Variants in PRKCB observed in about 807,000 individuals in gnomAD.
PRKCB encodes the protein protein kinase C beta type.
PRKCB carries 13 observed loss-of-function variants against 81.5 expected under a neutral mutation model. The ratio of observed to expected loss-of-function variants is 0.16; its 90% CI spans 0.10 to 0.25. The LOEUF is 0.25. PRKCB is among the 10% of genes least tolerant of loss of function. The pLI is 1.00. For missense variants in PRKCB, 509 were observed against 875.7 expected (o/e 0.58, Z 5.29); for synonymous variants, 335 against 321.4 (o/e 1.04, Z -0.45).
chr16:23,878,644 C>T (rs555192763), intron 2 of PRKCB, among the ~76,000 whole-genome samples: 1 of 152,310 alleles, frequency 6.6e-6, no homozygotes, highest in Non-Finnish European at 1.5e-5. Flanking sequence ...AATATTTTGC[C>T]ACTCCGTACA....
At chr16:24,030,628 C>A (rs759923641) in intron 3 of PRKCB, among the ~76,000 whole-genome samples, 5 of 150,408 alleles carry the variant, frequency 3.3e-5, no homozygotes, top group Non-Finnish European at 7.4e-5. Context: ...CCTGGCATTC[C>A]AGCAATTTTG....
intron 16 of PRKCB, 118 bp downstream of exon 16, chr16:24,191,348 G>A (rs780547013): frequency 1.7e-6 from 2 of 1,174,710 alleles, no homozygotes; most frequent in African/African-American, 1.5e-5. Context: ...CTGGAACATG[G>A]GTGTATGTAT....
chr16:23,911,159 A>G (rs774374306), intron 2 of PRKCB, among the ~76,000 whole-genome samples: 12 of 11,150 alleles, frequency 1.1e-3, no homozygotes, highest in Non-Finnish European at 1.8e-3. Context: ...TTTTTGAGAC[A>G]AGGTCACCCA....
At chr16:24,045,311 A>T (rs1235433108) in intron 5 of PRKCB, among the ~76,000 whole-genome samples, 2 of 151,994 alleles carry the variant, frequency 1.3e-5, no homozygotes, top group Non-Finnish European at 2.9e-5. Context: ...TTGAGTTTTT[A>T]TTGTCACTAG....
At position 24,212,461 on chromosome 16, in the gene PRKCB, CTTTTTTTTTT is replaced by C. The variant is rs975667798; in HGVS notation, c.1864-2180_1864-2171del. Among the ~76,000 whole-genome samples, 244 of 78,042 alleles carry C rather than the reference CTTTTTTTTTT, an allele frequency of 3.1e-3. 1 individual carries two copies. The highest frequency in any genetic ancestry group is 0.011 in the African/African-American group (229 of 20,210). 51.2% of individuals were successfully genotyped at this position (78,042 alleles called of 152,430 possible). A position where few individuals can be genotyped will look rare whatever the true frequency, so the allele number is the denominator to read the frequency against. ...CTCTCTCCTCCTGTGCTTTTTTTTC[CTTTTTTTTTT>C]TTTTTTTTTTTTTTTTCCTTTTTGG... On this transcript the variant is annotated intron_variant, in intron 16 of 16. Coordinates refer to ENST00000643927, the MANE Select transcript of PRKCB (RefSeq NM_002738.7).
At chr16:24,048,529 C>G (rs905875189) in intron 5 of PRKCB, among the ~76,000 whole-genome samples, 1 of 150,538 alleles carries the variant, frequency 6.6e-6, no homozygotes, top group Non-Finnish European at 1.5e-5. Flanking sequence ...CTCACTCTGT[C>G]GCCAGGCTGG....
At chr16:24,127,082 C>A (rs886832665) in intron 9 of PRKCB, among the ~76,000 whole-genome samples, 1 of 150,422 alleles carries the variant, frequency 6.6e-6, no homozygotes, top group Non-Finnish European at 1.5e-5. Context: ...CTCAGCTCAC[C>A]GCAACCTCCG....
At chr16:24,159,062 T>C (rs143898421) in intron 10 of PRKCB, among the ~76,000 whole-genome samples, 119 of 152,322 alleles carry the variant, frequency 7.8e-4, no homozygotes, top group Admixed American at 1.9e-3. Context: ...CAGGAGCCTG[T>C]GCTCTAATCT....
In PRKCB at chr16:23,837,504, A is replaced by G; in HGVS notation, c.205+98A>G. 8.9e-6 allele frequency: 13 copies of G among 1,467,668 alleles called. 1 individual carries two copies. In the South Asian group the frequency reaches 1.5e-4, roughly 17 times the overall value. The allele number at this position is 1,467,668 out of a possible 1,614,324, so 90.9% of individuals were successfully genotyped here. A position where few individuals can be genotyped will look rare whatever the true frequency, so the allele number is the denominator to read the frequency against. Reference sequence around the variant, plus strand: ...GAGTTAGGCAGAGAGTGAAAGAATCACGTTGGTCGGAGTGACCTCCCAGGC... The same window carrying G: ...GAGTTAGGCAGAGAGTGAAAGAATCGCGTTGGTCGGAGTGACCTCCCAGGC... On this transcript the variant is annotated intron_variant, in intron 2 of 16. Transcript: ENST00000643927.
intron 5 of PRKCB, among the ~76,000 whole-genome samples, chr16:24,064,062 G>T (rs1966004722): frequency 6.6e-6 from 1 of 151,954 alleles, no homozygotes; most frequent in Non-Finnish European, 1.5e-5. Context: ...CTAGGTGATT[G>T]TCTCAGCCAG....
At chr16:23,926,647 A>C (rs996773641) in intron 2 of PRKCB, among the ~76,000 whole-genome samples, 1 of 150,690 alleles carries the variant, frequency 6.6e-6, no homozygotes, top group Admixed American at 6.6e-5. Flanking sequence ...GTGTCTATAT[A>C]CACACAATGA....
intron 2 of PRKCB, among the ~76,000 whole-genome samples, chr16:23,918,913 A>T (rs946968870): frequency 6.6e-6 from 1 of 152,234 alleles, no homozygotes; most frequent in African/African-American, 2.4e-5. Context: ...TAGCTTTAAT[A>T]CTTTTATGAT....
intron 10 of PRKCB, among the ~76,000 whole-genome samples, chr16:24,165,871 TTTTC>T (rs1367894517): frequency 4.7e-5 from 7 of 149,406 alleles, no homozygotes; most frequent in Admixed American, 2.7e-4. Context: ...GATTTTTTTC[TTTTC>T]TTTCTTTCTT....
chr16:24,148,631 G>T (rs1366754352), intron 9 of PRKCB, among the ~76,000 whole-genome samples: 1 of 152,156 alleles, frequency 6.6e-6, no homozygotes, highest in Non-Finnish European at 1.5e-5. Context: ...CAAACCCAAG[G>T]TGGCAGGGAC....
chr16:23,966,482 G>A (rs1336525027), intron 2 of PRKCB, among the ~76,000 whole-genome samples: 1 of 152,204 alleles, frequency 6.6e-6, no homozygotes, highest in African/African-American at 2.4e-5. Flanking sequence ...GAGGATTAAA[G>A]GAGCCAATAT....
chr16:24,189,774 G>A (rs1596590088), intron 15 of PRKCB, among the ~76,000 whole-genome samples: 1 of 152,236 alleles, frequency 6.6e-6, no homozygotes, highest in Non-Finnish European at 1.5e-5. Context: ...CTTGCGAGGG[G>A]GCAACAGGCT....
At chr16:24,096,666 A>AAAAAATATAT (rs1406204037) in intron 7 of PRKCB, among the ~76,000 whole-genome samples, 4 of 32,706 alleles carry the variant, frequency 1.2e-4, no homozygotes, top group Non-Finnish European at 2.4e-4. Context: ...AAAAAAAAAA[A>AAAAAATATAT]ATATATATAT....
intron 3 of PRKCB, among the ~76,000 whole-genome samples, chr16:24,021,024 C>A (rs1369950244): frequency 2.9e-5 from 4 of 140,108 alleles, no homozygotes; most frequent in African/African-American, 1.1e-4. Flanking sequence ...TTCTTTCTTT[C>A]TTTCTTTCTT....
intron 2 of PRKCB, among the ~76,000 whole-genome samples, chr16:23,882,897 C>A (rs1284147397): frequency 1.3e-5 from 2 of 152,072 alleles, no homozygotes; most frequent in Non-Finnish European, 2.9e-5. Flanking sequence ...TGAGACTCCA[C>A]TTCCAATTCT....
Sources: allele counts gnomAD v4.1 joint callset (sites outside exome capture counted in the v4.1 genomes callset), GRCh38; gene constraint gnomAD v4.1.1; transcripts MANE v1.5; gene names NCBI Gene and HGNC (gene_info 2026-07-23, HGNC 2026-07-21).